The following RBFOX1 variants were observed in gnomAD, a reference collection of about 807,000 sequenced individuals.
RBFOX1 encodes the protein RNA binding protein fox-1 homolog 1.
In RBFOX1, 8 loss-of-function variants were observed where a neutral mutation model predicts 57.7. The observed-to-expected ratio is 0.14, with a 90% confidence interval of 0.08 to 0.25. The LOEUF is 0.25. Among genes scored for constraint, RBFOX1 ranks in the 10% least tolerant of loss-of-function variants. RBFOX1 has a pLI of 1.00. For synonymous variants in RBFOX1, 326 were observed against 222.4 expected, an observed-to-expected ratio of 1.47 and a Z score of -4.15; for missense variants, 611 against 548.5, an observed-to-expected ratio of 1.11 and a Z score of -1.14.
chr16:7,475,375 C>T (rs989162987), intron 4 of RBFOX1, among the ~76,000 whole-genome samples: 6 of 147,666 alleles, frequency 4.1e-5, no homozygotes, highest in African/African-American at 1.5e-4. Flanking sequence ...AGTGCAGTGG[C>T]GCGATCTCGG....
At position 5,844,873 on chromosome 16, in the gene RBFOX1, C is replaced by A. The variant is rs573952565; in HGVS notation, c.319-22430C>A. ...AATTAGGGCCTTGTAATGACCCATT[C>A]CAAAAAGAAACAGCTCTGTTCCTTA... On this transcript the variant is annotated intron_variant, in intron 3 of 19. Coordinates refer to the RBFOX1 transcript ENST00000641259. Among the ~76,000 whole-genome samples, 6 of 152,052 alleles carry A rather than the reference C, an allele frequency of 3.9e-5. No individual in the cohort carries two copies. In the South Asian group the frequency reaches 1.2e-3, roughly 32 times the overall value.
intron 1 of RBFOX1, among the ~76,000 whole-genome samples, chr16:6,140,336 C>T (rs761687570): frequency 8.5e-5 from 13 of 152,068 alleles, no homozygotes; most frequent in Admixed American, 2.0e-4. Context: ...GGATTACAGG[C>T]ATGTGCCATC....
chr16:5,766,973 A>T (rs2053803448), intron 3 of RBFOX1, among the ~76,000 whole-genome samples: 2 of 151,954 alleles, frequency 1.3e-5, no homozygotes, highest in African/African-American at 4.8e-5. Flanking sequence ...AGTTCCCATC[A>T]CCTTATTTCA....
At chr16:6,852,564 C>G (rs1007169271) in intron 3 of RBFOX1, among the ~76,000 whole-genome samples, 1 of 152,224 alleles carries the variant, frequency 6.6e-6, no homozygotes, top group East Asian at 1.9e-4. Flanking sequence ...TGGCAACTAG[C>G]TGTCCAGGAA....
At chr16:6,365,512 T>C (rs895393504) in intron 2 of RBFOX1, among the ~76,000 whole-genome samples, 15 of 152,158 alleles carry the variant, frequency 9.9e-5, no homozygotes, top group Admixed American at 9.2e-4. Context: ...TACATACATG[T>C]AATACATTTA....
intron 4 of RBFOX1, among the ~76,000 whole-genome samples, chr16:7,355,617 T>G (rs753015525): frequency 4.6e-5 from 7 of 152,204 alleles, no homozygotes; most frequent in Non-Finnish European, 7.3e-5. Flanking sequence ...CATCTCCCCA[T>G]GTCAGTCTGT....
At chr16:7,234,262 C>T (rs932431683) in intron 4 of RBFOX1, among the ~76,000 whole-genome samples, 1 of 152,012 alleles carries the variant, frequency 6.6e-6, no homozygotes, top group African/African-American at 2.4e-5. Context: ...TGAATAACCC[C>T]ACTGGAAGAG....
chr16:5,872,492 G>C lies in RBFOX1; in HGVS notation c.351+5157G>C. ...ACACCTGTAGTCCTAGCATTTTGGA[G>C]GGCCAAGGCAGGAAGATCACTTGAG... On this transcript the variant is annotated intron_variant, in intron 4 of 19. Coordinates refer to the RBFOX1 transcript ENST00000641259. Among the ~76,000 whole-genome samples, 2 of 152,016 alleles carry C rather than the reference G, an allele frequency of 1.3e-5. 1 individual carries two copies. The highest frequency in any genetic ancestry group is 2.9e-5 in the Non-Finnish European group (2 of 68,004).
chr16:5,760,192 A>T (rs1405078706), intron 3 of RBFOX1, among the ~76,000 whole-genome samples: 1 of 152,164 alleles, frequency 6.6e-6, no homozygotes, highest in East Asian at 1.9e-4. Flanking sequence ...CAGTTTTATC[A>T]TTGAAAGTCC....
intron 1 of RBFOX1, among the ~76,000 whole-genome samples, chr16:5,290,533 C>T (rs759633464): frequency 8.5e-5 from 13 of 152,126 alleles, no homozygotes; most frequent in East Asian, 5.8e-4. Flanking sequence ...GCAAATCATA[C>T]GGTACCTGAA....
At chr16:6,682,736 A>T (rs925568704) in intron 3 of RBFOX1, among the ~76,000 whole-genome samples, 6 of 152,028 alleles carry the variant, frequency 3.9e-5, no homozygotes, top group Non-Finnish European at 7.3e-5. Flanking sequence ...GTGTGAGACG[A>T]TGTTATCATT....
intron 3 of RBFOX1, among the ~76,000 whole-genome samples, chr16:6,845,197 C>T (rs1035493582): frequency 3.3e-5 from 5 of 151,878 alleles, no homozygotes; most frequent in African/African-American, 7.3e-5. Flanking sequence ...TCCCATTTAT[C>T]AATTTTCGCT....
intron 11 of RBFOX1, among the ~76,000 whole-genome samples, chr16:7,642,837 G>T (rs553375981): frequency 7.5e-4 from 114 of 152,268 alleles, no homozygotes; most frequent in South Asian, 3.5e-3. Context: ...AGGACAGAAA[G>T]CACCTTTGCA....
At chr16:7,567,127 ATATATGTATATCCATATATATCCC>A (rs2091874977) in intron 5 of RBFOX1, among the ~76,000 whole-genome samples, 3 of 130,376 alleles carry the variant, frequency 2.3e-5, no homozygotes, top group Non-Finnish European at 3.3e-5. Context: ...ATATCTCCCT[ATATATGTATATCCATATATATCCC>A]TATATATATA....
At chr16:6,960,487 C>T (rs1016246138) in intron 3 of RBFOX1, among the ~76,000 whole-genome samples, 2 of 152,076 alleles carry the variant, frequency 1.3e-5, no homozygotes, top group African/African-American at 2.4e-5. Context: ...TATTGGGCCA[C>T]GAGAATAAGC....
intron 2 of RBFOX1, among the ~76,000 whole-genome samples, chr16:6,366,551 C>A (rs905104411): frequency 2.0e-5 from 3 of 152,154 alleles, no homozygotes; most frequent in African/African-American, 7.2e-5. Context: ...TCTATATCAC[C>A]CTTCAAGGGG....
intron 1 of RBFOX1, among the ~76,000 whole-genome samples, chr16:5,421,148 A>C (rs1021495355): frequency 1.3e-5 from 2 of 151,624 alleles, no homozygotes; most frequent in Admixed American, 1.3e-4. Flanking sequence ...CTGGGACAAC[A>C]GGCATGGGCC....
intron 3 of RBFOX1, among the ~76,000 whole-genome samples, chr16:5,680,813 A>G (rs9923817): frequency 0.22 from 33,205 of 151,964 alleles, 4,180 homozygotes; most frequent in East Asian, 0.57. Context: ...GAGAACCTCT[A>G]TGTCCCAGGC....
Position 6,769,802 on chromosome 16 carries a change from T to G in RBFOX1, c.-16+115152T>G, listed in dbSNP as rs376610067. 2.5e-4 allele frequency among the ~76,000 whole-genome samples: 38 copies of G among 152,344 alleles called. No individual in the cohort carries two copies. In the East Asian group the frequency reaches 6.7e-3, roughly 27 times the overall value. On this transcript the variant is annotated intron_variant, in intron 3 of 15. Transcript: ENST00000550418. Reference sequence around the variant, plus strand: ...TTACCTCTAGAAAAGTCAGGGTTTTTTTTGCAGCAATGATGCCACAAAACA... The same window carrying G: ...TTACCTCTAGAAAAGTCAGGGTTTTGTTTGCAGCAATGATGCCACAAAACA...
Sources: allele counts gnomAD v4.1 joint callset (sites outside exome capture counted in the v4.1 genomes callset), GRCh38; gene constraint gnomAD v4.1.1; transcripts MANE v1.5; gene names NCBI Gene and HGNC (gene_info 2026-07-23, HGNC 2026-07-21).